The following GABPB2 variants were observed in gnomAD, a reference collection of about 807,000 sequenced individuals.
GABPB2 encodes GA-binding protein subunit beta-2.
Under a neutral mutation model 39.1 loss-of-function variants are expected in GABPB2, and 23 were observed. The observed-to-expected ratio is 0.59, with a 90% CI of 0.42 to 0.83. The LOEUF is 0.83. Ranked by LOEUF, GABPB2 falls within the 40% of genes least tolerant of loss-of-function variation. GABPB2 has a pLI of 0.00. For synonymous variants in GABPB2, 184 were observed against 199.3 expected, an observed-to-expected ratio of 0.92 and a Z score of 0.65; for missense variants, 467 against 541.1, an observed-to-expected ratio of 0.86 and a Z score of 1.36.
chr1:151,118,736 A>G lies in GABPB2; in HGVS notation c.*480A>G, dbSNP rs115064712. 0.011 allele frequency: 1,643 copies of G among 153,062 alleles called. 43 individuals are homozygous for G. Among genetic ancestry groups the G allele is most frequent in the African/African-American group, 0.038 (1,567 of 41,542 alleles). 9.5% of individuals were successfully genotyped at this position (153,062 alleles called of 1,614,324 possible). A position where few individuals can be genotyped will look rare whatever the true frequency, so the allele number is the denominator to read the frequency against. Reference sequence around the variant, plus strand: ...ACAAGCTTTGGGGAAGAGAAAAGGAATATAGTCCATTTCCAAAGGAGCAGG... The same window carrying G: ...ACAAGCTTTGGGGAAGAGAAAAGGAGTATAGTCCATTTCCAAAGGAGCAGG... On this transcript the variant is annotated 3_prime_UTR_variant, in exon 9 of 9. Coordinates refer to ENST00000368918, the MANE Select transcript of GABPB2 (RefSeq NM_144618.3).
At position 151,118,979 on chromosome 1, in the gene GABPB2, T is replaced by C. The variant is rs1681074214; in HGVS notation, c.*723T>C. On this transcript the variant is annotated 3_prime_UTR_variant, in exon 9 of 9. Coordinates refer to ENST00000368918, the MANE Select transcript of GABPB2 (RefSeq NM_144618.3). ...AAATTTTTGATTGTCTGACAGATAC[T>C]TATCCATTATGTGTCTATAGTTCAG... The C allele has an allele frequency of 6.6e-6, 1 of 152,158 alleles. No homozygotes were observed. Among genetic ancestry groups the C allele is most frequent in the Admixed American group, 6.6e-5 (1 of 15,254 alleles). 9.4% of individuals were successfully genotyped at this position (152,158 alleles called of 1,614,324 possible).
chr1:151,100,839 C>T (rs587671152), intron 5 of GABPB2, among the ~76,000 whole-genome samples: 7 of 149,986 alleles, frequency 4.7e-5, no homozygotes, highest in African/African-American at 9.8e-5. Flanking sequence ...CTGCCCACCT[C>T]GGCCTCCCAA....
chr1:151,101,615 A>C (rs1350709845), intron 5 of GABPB2, among the ~76,000 whole-genome samples: 2 of 151,998 alleles, frequency 1.3e-5, no homozygotes, highest in African/African-American at 4.8e-5. Context: ...ATACAGGAAT[A>C]GCCAATAGAG....
At chr1:151,085,597 C>T (rs914342720) in intron 1 of GABPB2, among the ~76,000 whole-genome samples, 1 of 151,972 alleles carries the variant, frequency 6.6e-6, no homozygotes, top group Non-Finnish European at 1.5e-5. Flanking sequence ...TCTGCCACCA[C>T]ACCTGGCTAA....
At chr1:151,079,323 T>G (rs1050309879) in intron 1 of GABPB2, among the ~76,000 whole-genome samples, 1 of 151,368 alleles carries the variant, frequency 6.6e-6, no homozygotes, top group Non-Finnish European at 1.5e-5. Flanking sequence ...GGCGGGTTAC[T>G]TGAGGTCAGG....
chr1:151,101,935 G>T (rs1164490739), intron 5 of GABPB2, among the ~76,000 whole-genome samples: 1 of 152,194 alleles, frequency 6.6e-6, no homozygotes, highest in Non-Finnish European at 1.5e-5. Context: ...AGGCATGTCT[G>T]TTGCCAGATC....
rs1678874956 is a variant in GABPB2 at position 151,093,492 on chromosome 1, C to G, written c.471+106C>G. 4 of 750,346 alleles carry G rather than the reference C, an allele frequency of 5.3e-6. No individual in the cohort carries two copies. The Admixed American group carries it at 1.0e-4, about 19-fold the overall frequency. The allele number at this position is 750,346 out of a possible 1,614,324, so 46.5% of individuals were successfully genotyped here. On this transcript the variant is annotated intron_variant, in intron 4 of 8. Transcript: ENST00000368918. ...TTTTCCCTATTTTATTAAAGTAGCA[C>G]TTCTAATATGTCTCAATCTTGTGAC...
At chr1:151,081,970 T>TA (rs1677742664) in intron 1 of GABPB2, among the ~76,000 whole-genome samples, 2 of 152,072 alleles carry the variant, frequency 1.3e-5, no homozygotes, top group Admixed American at 6.6e-5. Context: ...TTCATTCTGT[T>TA]ACAATATGTA....
intron 1 of GABPB2, among the ~76,000 whole-genome samples, chr1:151,082,118 C>T (rs1417979929): frequency 2.0e-5 from 3 of 148,810 alleles, no homozygotes; most frequent in Non-Finnish European, 4.4e-5. Context: ...ACCCTGTTGC[C>T]CAGACTGGAG....
intron 7 of GABPB2, among the ~76,000 whole-genome samples, chr1:151,111,404 C>T (rs1013201186): frequency 6.7e-6 from 1 of 148,308 alleles, no homozygotes; most frequent in South Asian, 2.2e-4. Context: ...ACCACCGCCC[C>T]CCACTAATTT....
rs1676642491 is a variant in GABPB2, at chr1:151,070,855, G to C, written c.-80G>C. The C allele has an allele frequency of 6.6e-6, 1 of 152,202 alleles. No individual in the cohort carries two copies. The highest frequency in any genetic ancestry group is 1.5e-5 in the Non-Finnish European group (1 of 68,036). 9.4% of individuals were successfully genotyped at this position (152,202 alleles called of 1,614,324 possible). A position where few individuals can be genotyped will look rare whatever the true frequency, so the allele number is the denominator to read the frequency against. On this transcript the variant is annotated 5_prime_UTR_variant, in exon 1 of 9. Transcript: ENST00000368918. ...GGCAAAAAGTAACCGTCCTTGACAG[G>C]GAGTCTTAACTAGAGAAGGAAACGG...
chr1:151,083,488 G>C (rs1172140269), intron 1 of GABPB2, among the ~76,000 whole-genome samples: 1 of 152,090 alleles, frequency 6.6e-6, no homozygotes, highest in African/African-American at 2.4e-5. Flanking sequence ...AGAAAAATTA[G>C]CTGGACGTGG....
chr1:151,085,300 G>C (rs1406084284), intron 1 of GABPB2, among the ~76,000 whole-genome samples: 1 of 151,870 alleles, frequency 6.6e-6, no homozygotes, highest in Non-Finnish European at 1.5e-5. Flanking sequence ...GGGAGGCTGA[G>C]GCAGGAGAAT....
chr1:151,094,045 T>C (rs1487996570), intron 4 of GABPB2, among the ~76,000 whole-genome samples: 1 of 2,374 alleles, frequency 4.2e-4, no homozygotes, highest in Non-Finnish European at 1.6e-3. Flanking sequence ...ATTTCGTCCT[T>C]TTTTTTTTTT....
intron 3 of GABPB2, 110 bp downstream of exon 3, chr1:151,090,683 A>G (rs1471788501): frequency 1.8e-6 from 2 of 1,105,866 alleles, no homozygotes; most frequent in East Asian, 4.8e-5. Flanking sequence ...AGTTTAGGAC[A>G]GTTATAGCAT....
In GABPB2 at chr1:151,118,182, G is replaced by C; in HGVS notation, c.1273G>C (p.Glu425Gln). The C allele has an allele frequency of 6.2e-7, 1 of 1,614,162 alleles. No individual in the cohort carries two copies. Among genetic ancestry groups the C allele is most frequent in the Non-Finnish European group, 8.5e-7 (1 of 1,180,032 alleles). Reference sequence around the variant, plus strand: ...CACAGAGGGGGAGTTGGAAGAGAGAGAGACAAAAGTGACTGGGTCAGCAGG... The same window carrying C: ...CACAGAGGGGGAGTTGGAAGAGAGACAGACAAAAGTGACTGGGTCAGCAGG... Reference protein sequence around the residue: ...VVTEGELEERETKVTGSAGTT... With the variant: ...VVTEGELEERQTKVTGSAGTT... Residue 425 changes from glutamate (E) to glutamine (Q), a missense_variant, in exon 9 of 9, where the codon GAG becomes CAG. By Grantham distance (29) the Glu-to-Gln change is conservative. Coordinates refer to ENST00000368918, the MANE Select transcript of GABPB2 (RefSeq NM_144618.3).
chr1:151,108,030 A>C (rs904258012), intron 7 of GABPB2, among the ~76,000 whole-genome samples: 13 of 152,164 alleles, frequency 8.5e-5, no homozygotes, highest in African/African-American at 3.1e-4. Context: ...CCATTATAAC[A>C]CTATGTTGTT....
chr1:151,103,743 T>A, intron 6 of GABPB2, 68 bp downstream of exon 6: 1 of 996,354 alleles, frequency 1.0e-6, no homozygotes, highest in Non-Finnish European at 1.6e-6. Context: ...CCAGCAGATT[T>A]AATTTGCATG....
In GABPB2 at chr1:151,120,554, T is replaced by G. The variant is rs2101583592; in HGVS notation, c.*2298T>G. The G allele has an allele frequency of 6.7e-6, 1 of 149,192 alleles. No individual in the cohort carries two copies. The allele number at this position is 149,192 out of a possible 1,614,324, so 9.2% of individuals were successfully genotyped here. A position where few individuals can be genotyped will look rare whatever the true frequency, so the allele number is the denominator to read the frequency against. On this transcript the variant is annotated 3_prime_UTR_variant, in exon 9 of 9. Coordinates refer to ENST00000368918, the MANE Select transcript of GABPB2 (RefSeq NM_144618.3). ...AGAAAACTTGTTTATGTGGGAGGAG[T>G]ATATATAAAACCAAAATCCAGGCTG...
Sources: allele counts gnomAD v4.1 joint callset (sites outside exome capture counted in the v4.1 genomes callset), GRCh38; gene constraint gnomAD v4.1.1; transcripts MANE v1.5; gene names NCBI Gene and HGNC (gene_info 2026-07-23, HGNC 2026-07-21).